The following GALNTL6 variants were observed in gnomAD, a reference collection of about 807,000 sequenced individuals.
GALNTL6 encodes the protein polypeptide N-acetylgalactosaminyltransferase-like 6.
In GALNTL6, 46 loss-of-function variants were observed where a neutral mutation model predicts 73.7. The observed-to-expected ratio is 0.62, with a 90% CI of 0.49 to 0.80. The LOEUF is 0.80. GALNTL6 is among the 30% of genes least tolerant of loss of function. GALNTL6 has a pLI of 0.00. For synonymous variants in GALNTL6, 259 were observed against 263.7 expected, an observed-to-expected ratio of 0.98 and a Z score of 0.17; for missense variants, 604 against 755.0, an observed-to-expected ratio of 0.80 and a Z score of 2.34.
At chr4:172,786,013 TA>T (rs1739631259) in intron 5 of GALNTL6, among the ~76,000 whole-genome samples, 1 of 152,154 alleles carries the variant, frequency 6.6e-6, no homozygotes, top group Non-Finnish European at 1.5e-5. Flanking sequence ...TCAGTTCCAC[TA>T]TATCCTGGTT....
At chr4:171,900,411 G>A (rs769453506) in intron 2 of GALNTL6, among the ~76,000 whole-genome samples, 3 of 151,936 alleles carry the variant, frequency 2.0e-5, no homozygotes, top group South Asian at 2.1e-4. Context: ...AGGTTCAAGC[G>A]ATTTTCCTGC....
At chr4:172,527,316 C>T (rs1734992186) in intron 5 of GALNTL6, among the ~76,000 whole-genome samples, 1 of 152,168 alleles carries the variant, frequency 6.6e-6, no homozygotes, top group Non-Finnish European at 1.5e-5. Flanking sequence ...ATTGTAGACA[C>T]TGACCCTAGG....
chr4:172,452,812 G>T (rs559653862), intron 5 of GALNTL6, among the ~76,000 whole-genome samples: 3 of 152,104 alleles, frequency 2.0e-5, no homozygotes, highest in Admixed American at 6.6e-5. Context: ...ATAATCTATT[G>T]TATTCACTAA....
At chr4:173,012,313 T>G (rs1752590790) in intron 11 of GALNTL6, among the ~76,000 whole-genome samples, 1 of 152,092 alleles carries the variant, frequency 6.6e-6, no homozygotes, top group Non-Finnish European at 1.5e-5. Context: ...TGTCCAGATG[T>G]GTTGAGATTC....
chr4:172,885,088 A>T (rs941924604), intron 8 of GALNTL6, among the ~76,000 whole-genome samples: 10 of 152,054 alleles, frequency 6.6e-5, no homozygotes, highest in Admixed American at 6.6e-4. Context: ...TTTGTTCAGG[A>T]CTGCTTTAGC....
intron 3 of GALNTL6, among the ~76,000 whole-genome samples, chr4:172,242,523 A>G (rs563442217): frequency 7.9e-5 from 12 of 152,264 alleles, no homozygotes; most frequent in Admixed American, 1.3e-4. Flanking sequence ...GCTGGTTTCA[A>G]CTGTTCTATA....
chr4:172,345,567 A>G (rs1446910963), intron 4 of GALNTL6, among the ~76,000 whole-genome samples: 1 of 152,242 alleles, frequency 6.6e-6, no homozygotes, highest in Admixed American at 6.5e-5. Flanking sequence ...GAACATAAAT[A>G]AGAGTGTTGC....
chr4:172,307,108 A>T (rs1382426676), intron 3 of GALNTL6, among the ~76,000 whole-genome samples: 1 of 152,294 alleles, frequency 6.6e-6, no homozygotes, highest in East Asian at 1.9e-4. Flanking sequence ...CTTTAATCAC[A>T]TGCACACCAA....
chr4:173,014,260 C>T (rs967914013), intron 11 of GALNTL6, among the ~76,000 whole-genome samples: 3 of 152,164 alleles, frequency 2.0e-5, no homozygotes, highest in Non-Finnish European at 2.9e-5. Context: ...CATTATGCTT[C>T]CTTTAGGGAT....
chr4:171,918,179 C>A (rs6851131), intron 2 of GALNTL6, among the ~76,000 whole-genome samples: 1 of 151,728 alleles, frequency 6.6e-6, no homozygotes, highest in Non-Finnish European at 1.5e-5. Context: ...AACTTACGGG[C>A]GTTAAGTTGG....
chr4:172,530,178 C>T (rs1009184024), intron 5 of GALNTL6, among the ~76,000 whole-genome samples: 2 of 152,062 alleles, frequency 1.3e-5, no homozygotes, highest in Non-Finnish European at 2.9e-5. Flanking sequence ...TGTCTACTTC[C>T]CTTACCCACA....
chr4:172,100,095 T>C (rs1360047263), intron 2 of GALNTL6, among the ~76,000 whole-genome samples: 1 of 152,174 alleles, frequency 6.6e-6, no homozygotes, highest in African/African-American at 2.4e-5. Flanking sequence ...ATATCAAAAG[T>C]AGTTTAATGG....
At chr4:172,491,328 T>C (rs1451012916) in intron 5 of GALNTL6, among the ~76,000 whole-genome samples, 1 of 119,830 alleles carries the variant, frequency 8.3e-6, no homozygotes, top group Non-Finnish European at 1.7e-5. Flanking sequence ...TTTTTTATTA[T>C]TTATTTAGTG....
At chr4:172,037,899 C>T (rs1015581355) in intron 2 of GALNTL6, among the ~76,000 whole-genome samples, 1 of 151,960 alleles carries the variant, frequency 6.6e-6, no homozygotes. Context: ...AGGTGGATTA[C>T]CTAAGGTCAG....
chr4:171,985,588 A>T (rs893319271), intron 2 of GALNTL6, among the ~76,000 whole-genome samples: 15 of 152,090 alleles, frequency 9.9e-5, no homozygotes, highest in Non-Finnish European at 2.1e-4. Flanking sequence ...ATGGATTATT[A>T]TGTTACACAG....
At chr4:172,971,847 A>T (rs1219759077) in intron 10 of GALNTL6, among the ~76,000 whole-genome samples, 8 of 152,328 alleles carry the variant, frequency 5.3e-5, no homozygotes, top group East Asian at 3.9e-4. Context: ...GTAATAAATC[A>T]GTATGTCAGA....
intron 5 of GALNTL6, among the ~76,000 whole-genome samples, chr4:172,662,520 A>C (rs1377973862): frequency 2.0e-5 from 3 of 152,190 alleles, no homozygotes; most frequent in South Asian, 2.1e-4. Flanking sequence ...TCAACGGGAA[A>C]CCTGGAGCAG....
intron 5 of GALNTL6, among the ~76,000 whole-genome samples, chr4:172,564,970 T>C (rs1251464313): frequency 6.6e-6 from 1 of 152,180 alleles, no homozygotes; most frequent in East Asian, 1.9e-4. Context: ...GATTGGATAA[T>C]TCATGAACAA....
intron 3 of GALNTL6, among the ~76,000 whole-genome samples, chr4:172,303,485 T>C (rs1274287530): frequency 6.6e-6 from 1 of 152,224 alleles, no homozygotes. Flanking sequence ...TCTCCCTGTA[T>C]GCACTCATCT....
Sources: gnomAD v4.1 joint callset for allele counts (sites outside exome capture counted in the v4.1 genomes callset) on GRCh38, gnomAD v4.1.1 for gene constraint, MANE v1.5 for transcripts, NCBI Gene and HGNC (gene_info 2026-07-23, HGNC 2026-07-21) for gene names.